Variants in CNTN5 observed in about 807,000 individuals in gnomAD.
CNTN5 encodes the protein contactin-5.
Under a neutral mutation model 129.1 loss-of-function variants are expected in CNTN5, and 77 were observed. That is an observed-to-expected ratio of 0.60 (90% CI 0.50 to 0.72). The LOEUF (loss-of-function observed/expected upper bound fraction) is 0.72, where lower values mean the gene tolerates loss of function less well. Among genes scored for constraint, CNTN5 ranks in the 30% least tolerant of loss-of-function variants. The pLI is 0.00. For synonymous variants in CNTN5, 509 were observed against 465.6 expected (o/e 1.09, Z -1.20); for missense variants, 1,478 against 1,328.8 (o/e 1.11, Z -1.75).
chr11:99,512,930 A>G (rs1286497786), intron 2 of CNTN5, among the ~76,000 whole-genome samples: 3 of 152,182 alleles, frequency 2.0e-5, no homozygotes, highest in African/African-American at 7.2e-5. Context: ...CTCATTTTAA[A>G]TCAAAAGCTA....
At chr11:99,061,598 G>A in intron 1 of CNTN5, among the ~76,000 whole-genome samples, 1 of 152,126 alleles carries the variant, frequency 6.6e-6, no homozygotes. Context: ...CTCCAGATAA[G>A]ATCTACAGGC....
chr11:99,246,293 C>T (rs1225001076), intron 1 of CNTN5, among the ~76,000 whole-genome samples: 1 of 149,914 alleles, frequency 6.7e-6, no homozygotes, highest in Non-Finnish European at 1.5e-5. Flanking sequence ...CTGAATTACA[C>T]TACCCACACA....
chr11:99,935,154 A>G (rs890054394), intron 7 of CNTN5, among the ~76,000 whole-genome samples: 2 of 151,510 alleles, frequency 1.3e-5, no homozygotes, highest in Non-Finnish European at 2.9e-5. Context: ...AACACCTGCT[A>G]TTGTTCAGAT....
At chr11:99,486,727 T>A (rs1945830726) in intron 2 of CNTN5, among the ~76,000 whole-genome samples, 1 of 152,160 alleles carries the variant, frequency 6.6e-6, no homozygotes, top group African/African-American at 2.4e-5. Context: ...TTTTGCATTG[T>A]TGTTGTTGTC....
In CNTN5 at chr11:99,413,552, G is replaced by A. The variant is rs889497354; in HGVS notation, c.-71+88068G>A. The stretch of plus-strand genomic sequence containing the variant: ...GAGAATTGCTTGAATCCAGGAGGCA[G>A]AGGTTGCAGTGAGCTGAGATCATGC... On this transcript the variant is annotated intron_variant, in intron 2 of 24. Coordinates refer to ENST00000524871, the MANE Select transcript of CNTN5 (RefSeq NM_014361.4). Among the ~76,000 whole-genome samples the A allele has an allele frequency of 6.8e-4, 104 of 152,028 alleles. 1 individual carries two copies. Among genetic ancestry groups the A allele is most frequent in the African/African-American group, 2.4e-3 (100 of 41,400 alleles).
chr11:99,919,255 G>T (rs1051420306), intron 7 of CNTN5, among the ~76,000 whole-genome samples: 1 of 1,766 alleles, frequency 5.7e-4, no homozygotes, highest in African/African-American at 6.1e-4. Flanking sequence ...CTCTCAACTT[G>T]TGTGGCGCTG....
At chr11:99,382,916 G>A (rs1016249669) in intron 2 of CNTN5, among the ~76,000 whole-genome samples, 1 of 131,828 alleles carries the variant, frequency 7.6e-6, no homozygotes. Context: ...GAGTGCAGTA[G>A]CCTGATCTCG....
chr11:99,746,824 A>C (rs2135192425), intron 3 of CNTN5, among the ~76,000 whole-genome samples: 1 of 152,274 alleles, frequency 6.6e-6, no homozygotes, highest in Admixed American at 6.5e-5. Flanking sequence ...TTTGTTAATT[A>C]TAGTGTCATA....
At chr11:99,430,571 C>T (rs1943322614) in intron 2 of CNTN5, among the ~76,000 whole-genome samples, 1 of 151,068 alleles carries the variant, frequency 6.6e-6, no homozygotes, top group South Asian at 2.1e-4. Flanking sequence ...TAACCATGGG[C>T]CTCCTAATGT....
At chr11:99,939,754 A>G (rs1358156622) in intron 7 of CNTN5, among the ~76,000 whole-genome samples, 1 of 152,156 alleles carries the variant, frequency 6.6e-6, no homozygotes, top group Non-Finnish European at 1.5e-5. Flanking sequence ...TAAGTCCCTT[A>G]TCATTCTGTG....
At chr11:99,773,697 A>G (rs114526049) in intron 3 of CNTN5, among the ~76,000 whole-genome samples, 2,312 of 152,162 alleles carry the variant, frequency 0.015, 47 homozygotes, top group African/African-American at 0.053. Context: ...TCTCATCAAT[A>G]TTAATGCCAA....
chr11:99,963,172 A>G (rs1366566039), intron 8 of CNTN5, among the ~76,000 whole-genome samples: 1 of 149,664 alleles, frequency 6.7e-6, no homozygotes, highest in Non-Finnish European at 1.5e-5. Context: ...ATTAGATCCC[A>G]TTTGTCAATT....
chr11:99,836,760 C>G (rs1460612685), intron 4 of CNTN5, among the ~76,000 whole-genome samples: 1 of 152,184 alleles, frequency 6.6e-6, no homozygotes, highest in Non-Finnish European at 1.5e-5. Flanking sequence ...GTCTCACCAA[C>G]AGTGTAAAAG....
chr11:99,873,707 G>C (rs1269088816), intron 6 of CNTN5, among the ~76,000 whole-genome samples: 1 of 152,026 alleles, frequency 6.6e-6, no homozygotes, highest in Non-Finnish European at 1.5e-5. Flanking sequence ...TCCCACTACT[G>C]GCTATCTACT....
intron 8 of CNTN5, among the ~76,000 whole-genome samples, chr11:99,994,609 T>C (rs1038028961): frequency 6.6e-6 from 1 of 152,180 alleles, no homozygotes; most frequent in African/African-American, 2.4e-5. Flanking sequence ...AGCATCATGA[T>C]AAATCAGGTG....
intron 17 of CNTN5, among the ~76,000 whole-genome samples, chr11:100,268,473 G>A (rs1488088581): frequency 6.6e-6 from 1 of 152,088 alleles, no homozygotes; most frequent in East Asian, 1.9e-4. Flanking sequence ...CCAAAATAAT[G>A]TCATGCCATG....
chr11:100,049,643 G>A (rs1169673424), intron 9 of CNTN5, among the ~76,000 whole-genome samples: 1 of 152,114 alleles, frequency 6.6e-6, no homozygotes, highest in Non-Finnish European at 1.5e-5. Context: ...TTAAACTAAA[G>A]AGCTTCTGCA....
chr11:99,473,219 G>A (rs1945243013), intron 2 of CNTN5, among the ~76,000 whole-genome samples: 1 of 151,874 alleles, frequency 6.6e-6, no homozygotes, highest in South Asian at 2.1e-4. Context: ...CAACAACCTT[G>A]GAAAATCTTT....
intron 3 of CNTN5, among the ~76,000 whole-genome samples, chr11:99,606,500 A>G (rs1455641242): frequency 6.9e-6 from 1 of 144,072 alleles, no homozygotes; most frequent in African/African-American, 2.6e-5. Context: ...AAGAATCAAT[A>G]TCGTGAAAAT....
Sources: allele counts gnomAD v4.1 joint callset (sites outside exome capture counted in the v4.1 genomes callset), GRCh38; gene constraint gnomAD v4.1.1; transcripts MANE v1.5; gene names NCBI Gene and HGNC (gene_info 2026-07-23, HGNC 2026-07-21).